The following BBX variants were observed in gnomAD, a reference collection of about 807,000 sequenced individuals.
BBX encodes the protein BBX high mobility group box domain containing, also known as HMG box transcription factor BBX.
Under a neutral mutation model 100.2 loss-of-function variants are expected in BBX, and 30 were observed. That is an observed-to-expected ratio of 0.30 (90% CI 0.22 to 0.41). The LOEUF (loss-of-function observed/expected upper bound fraction) is 0.41, where lower values mean the gene tolerates loss of function less well. BBX is among the 10% of genes least tolerant of loss of function. The pLI is 1.00. For synonymous variants in BBX, 376 were observed against 388.1 expected (o/e 0.97, Z 0.37); for missense variants, 1,023 against 1,129.8 (o/e 0.91, Z 1.35).
At chr3:107,679,316 T>C (rs949690358) in intron 3 of BBX, among the ~76,000 whole-genome samples, 2 of 152,168 alleles carry the variant, frequency 1.3e-5, no homozygotes, top group Admixed American at 6.6e-5. Flanking sequence ...AATTTTTAAT[T>C]TGTATGGAAT....
intron 2 of BBX, among the ~76,000 whole-genome samples, chr3:107,559,369 T>G (rs1204580891): frequency 6.6e-6 from 1 of 151,900 alleles, no homozygotes; most frequent in Non-Finnish European, 1.5e-5. Context: ...GGAAAAGAAA[T>G]AGATTGAAAA....
chr3:107,667,340 T>G (rs2058803645), intron 3 of BBX, among the ~76,000 whole-genome samples: 2 of 152,306 alleles, frequency 1.3e-5, no homozygotes, highest in African/African-American at 4.8e-5. Flanking sequence ...ATTAATTCAC[T>G]TAATATTTTA....
chr3:107,710,762 C>A, intron 4 of BBX, 140 bp downstream of exon 4: 1 of 758,078 alleles, frequency 1.3e-6, no homozygotes, highest in Non-Finnish European at 2.0e-6. Context: ...ACTTAGTTTA[C>A]ATTTTTATTC....
chr3:107,557,676 T>C (rs2050182921), intron 2 of BBX, among the ~76,000 whole-genome samples: 1 of 152,224 alleles, frequency 6.6e-6, no homozygotes, highest in African/African-American at 2.4e-5. Context: ...CTGCAGCAGC[T>C]CTTAGTGTTT....
intron 3 of BBX, among the ~76,000 whole-genome samples, chr3:107,667,056 A>G (rs184235015): frequency 1.3e-5 from 2 of 152,344 alleles, no homozygotes; most frequent in East Asian, 3.9e-4. Flanking sequence ...GAAACGTATT[A>G]TGCCCAATGT....
At chr3:107,729,044 G>A in intron 6 of BBX, 84 bp downstream of exon 6, 1 of 1,400,538 alleles carries the variant, frequency 7.1e-7, no homozygotes, top group Non-Finnish European at 9.8e-7. Flanking sequence ...TGAGGGCGGG[G>A]GGACAAAATT....
intron 15 of BBX, among the ~76,000 whole-genome samples, chr3:107,792,525 G>A (rs2069169572): frequency 6.6e-6 from 1 of 152,140 alleles, no homozygotes; most frequent in South Asian, 2.1e-4. Context: ...TTTTGATTTA[G>A]TAGGCATCAT....
chr3:107,645,243 T>C (rs996953741), intron 2 of BBX, among the ~76,000 whole-genome samples: 1 of 152,330 alleles, frequency 6.6e-6, no homozygotes, highest in South Asian at 2.1e-4. Context: ...TTAATTTACA[T>C]GTACACCATT....
At chr3:107,749,274 A>G (rs533453107) in intron 9 of BBX, among the ~76,000 whole-genome samples, 126 of 152,338 alleles carry the variant, frequency 8.3e-4, no homozygotes, top group African/African-American at 2.9e-3. Context: ...AATAATTGTT[A>G]ATAATACTTT....
chr3:107,527,493 A>AGTTAG (rs1273717281), intron 2 of BBX, among the ~76,000 whole-genome samples: 2 of 152,208 alleles, frequency 1.3e-5, no homozygotes, highest in African/African-American at 2.4e-5. Flanking sequence ...CTTAGTATTG[A>AGTTAG]GTTAGAGGAC....
At chr3:107,681,881 A>T (rs750365304) in intron 3 of BBX, among the ~76,000 whole-genome samples, 1 of 152,114 alleles carries the variant, frequency 6.6e-6, no homozygotes, top group Non-Finnish European at 1.5e-5. Flanking sequence ...GGCTATAAAT[A>T]TAAATTTCCA....
intron 2 of BBX, among the ~76,000 whole-genome samples, chr3:107,574,301 G>A (rs889027934): frequency 2.0e-5 from 3 of 152,144 alleles, no homozygotes; most frequent in Non-Finnish European, 4.4e-5. Flanking sequence ...CTAATAGGGG[G>A]CTCCAAACTT....
intron 2 of BBX, among the ~76,000 whole-genome samples, chr3:107,548,647 C>T (rs2049419536): frequency 6.6e-6 from 1 of 152,142 alleles, no homozygotes; most frequent in South Asian, 2.1e-4. Context: ...GGTATACACA[C>T]AAAGAAAAGT....
intron 3 of BBX, chr3:107,659,680 T>G (rs866542342): frequency 8.0e-7 from 1 of 1,243,604 alleles, no homozygotes; most frequent in East Asian, 6.1e-5. Flanking sequence ...TTTGTTCTCC[T>G]AACCACACCA....
In BBX at chr3:107,573,128, A is replaced by G. The variant is rs1269028943; in HGVS notation, c.-84+46730A>G. ...TATGATTCTTTAATGTGTACGTAGA[A>G]TAAATCTAAACAACAATTAAAAAGA... On this transcript the variant is annotated intron_variant, in intron 2 of 17. Transcript: ENST00000325805. Among the ~76,000 whole-genome samples the G allele has an allele frequency of 2.6e-5, 4 of 152,340 alleles. No individual in the cohort carries two copies. In the East Asian group the frequency reaches 7.7e-4, roughly 29 times the overall value.
At chr3:107,764,357 A>T (rs2066194739) in intron 10 of BBX, among the ~76,000 whole-genome samples, 1 of 152,222 alleles carries the variant, frequency 6.6e-6, no homozygotes, top group Non-Finnish European at 1.5e-5. Context: ...TTTTAGACTC[A>T]TAGACTACCT....
At chr3:107,528,505 G>A (rs547934545) in intron 2 of BBX, among the ~76,000 whole-genome samples, 7 of 152,076 alleles carry the variant, frequency 4.6e-5, no homozygotes, top group East Asian at 1.9e-4. Context: ...CTTGATCTTC[G>A]TATCCATTTT....
intron 6 of BBX, among the ~76,000 whole-genome samples, chr3:107,731,510 A>G (rs558460992): frequency 1.1e-3 from 165 of 152,274 alleles, no homozygotes; most frequent in Non-Finnish European, 1.6e-3. Flanking sequence ...TGGAGTCTCA[A>G]AACAATACCA....
At chr3:107,610,985 T>A (rs1402622586) in intron 2 of BBX, among the ~76,000 whole-genome samples, 1 of 152,054 alleles carries the variant, frequency 6.6e-6, no homozygotes, top group African/African-American at 2.4e-5. Context: ...TGGTGGTATG[T>A]TTGAATTTAT....
Sources: gnomAD v4.1 joint callset for allele counts (sites outside exome capture counted in the v4.1 genomes callset) on GRCh38, gnomAD v4.1.1 for gene constraint, MANE v1.5 for transcripts, NCBI Gene and HGNC (gene_info 2026-07-23, HGNC 2026-07-21) for gene names.